DNAH7: variants seen among roughly 807,000 people sequenced by gnomAD.
The protein encoded by DNAH7 is dynein axonemal heavy chain 7.
DNAH7 carries 397 observed loss-of-function variants against 444.6 expected under a neutral mutation model. The observed-to-expected ratio is 0.89, with a 90% CI of 0.82 to 0.97. The LOEUF (loss-of-function observed/expected upper bound fraction) is 0.97. DNAH7 is among the 50% of genes least tolerant of loss of function. DNAH7 has a pLI of 0.00. For synonymous variants in DNAH7, 1,636 were observed against 1,624.4 expected, an observed-to-expected ratio of 1.01 and a Z score of -0.17; for missense variants, 4,902 against 4,800.8, an observed-to-expected ratio of 1.02 and a Z score of -0.62.
At chr2:195,844,316 A>G (rs1446193959) in intron 47 of DNAH7, among the ~76,000 whole-genome samples, 1 of 152,174 alleles carries the variant, frequency 6.6e-6, no homozygotes, top group African/African-American at 2.4e-5. Context: ...TATCTGTGCT[A>G]TCGTTAACAT....
At chr2:195,988,812 T>C (rs1306119495) in intron 12 of DNAH7, among the ~76,000 whole-genome samples, 1 of 152,120 alleles carries the variant, frequency 6.6e-6, no homozygotes, top group East Asian at 1.9e-4. Flanking sequence ...TTGTACTCAA[T>C]TACCAACCTG....
At position 195,925,900 on chromosome 2, in the gene DNAH7, TATTAA is replaced by T. The variant is rs146474417; in HGVS notation, c.3612+521_3612+525del. ...TCATTAACAATTACAATCTAATTAA[TATTAA>T]ATTAATATATCCAATTATATTAGAA... On this transcript the variant is annotated intron_variant, in intron 22 of 64. Transcript: ENST00000312428. Among the ~76,000 whole-genome samples, 2,938 of 152,198 alleles carry T rather than the reference TATTAA, an allele frequency of 0.019. 233 individuals are homozygous for T. The East Asian group carries it at 0.26, about 14-fold the overall frequency.
At chr2:195,762,798 ACTTTCAGC>A (rs1553515864) in intron 61 of DNAH7, among the ~76,000 whole-genome samples, 26 of 152,252 alleles carry the variant, frequency 1.7e-4, no homozygotes, top group South Asian at 1.2e-3. Context: ...TCAACACCCT[ACTTTCAGC>A]ATCAGACAGA....
intron 52 of DNAH7, 35 bp from the exon 53 acceptor site, chr2:195,808,911 C>G: frequency 6.3e-7 from 1 of 1,580,892 alleles, no homozygotes. Flanking sequence ...GAGTCAGAAA[C>G]GAGTTCATCA....
chr2:195,874,249 A>AT (rs1246690342), intron 38 of DNAH7, among the ~76,000 whole-genome samples: 1 of 152,022 alleles, frequency 6.6e-6, no homozygotes, highest in Non-Finnish European at 1.5e-5. Flanking sequence ...AAATTGGGGG[A>AT]TTTTTCCACA....
At chr2:195,991,989 G>A (rs937119610) in intron 12 of DNAH7, among the ~76,000 whole-genome samples, 2 of 152,140 alleles carry the variant, frequency 1.3e-5, no homozygotes, top group African/African-American at 4.8e-5. Context: ...GATTCCTTTA[G>A]TTTTTAAAAC....
chr2:195,926,509 C>T lies in DNAH7; in HGVS notation c.3529G>A (p.Asp1177Asn), dbSNP rs1688344780. Residue 1177 changes from aspartate (D) to asparagine (N), a missense_variant, in exon 22 of 65, where the codon GAT (aspartate) becomes AAT (asparagine). Transcript: ENST00000312428. ...TKYERINWVR[D>N]WPGQTVLCVS... is the part of the protein sequence containing the mutation. ...CAGAGAACAGTCTGTCCAGGCCAAT[C>T]CCTTACCCAGTTAATTCGTTCATAT... is the stretch of plus-strand genomic sequence containing the variant. 1 of 1,605,706 alleles carries T rather than the reference C, an allele frequency of 6.2e-7. No individual in the cohort carries two copies. Among genetic ancestry groups the T allele is most frequent in the Non-Finnish European group, 8.5e-7 (1 of 1,176,784 alleles).
rs780510934 is a variant in DNAH7 at position 196,048,422 on chromosome 2, A to G, written c.142-18T>C. The G allele has an allele frequency of 4.7e-5, 75 of 1,604,040 alleles. No individual in the cohort carries two copies. The South Asian group carries it at 7.8e-4, about 17-fold the overall frequency. On this transcript the variant is annotated intron_variant, in intron 3 of 64. Transcript: ENST00000312428. ...GTACTCACCTAAAATACAAAATTTA[A>G]ATAGCATTAACAAACAATATCAGAA...
At chr2:196,001,070 A>G (rs768324861) in intron 11 of DNAH7, among the ~76,000 whole-genome samples, 187 bp from the exon 12 acceptor site, 14 of 152,144 alleles carry the variant, frequency 9.2e-5, no homozygotes, top group Non-Finnish European at 1.8e-4. Flanking sequence ...GATATCCAGT[A>G]TCCATTGGGA....
intron 23 of DNAH7, among the ~76,000 whole-genome samples, chr2:195,922,604 G>A (rs1280567165): frequency 2.0e-5 from 3 of 151,998 alleles, no homozygotes; most frequent in East Asian, 1.9e-4. Context: ...TACTAAATAC[G>A]CTGCCCCTCA....
rs975754466 is a variant in DNAH7 at position 195,966,049 on chromosome 2, TTTTG to T, written c.2205+3895_2205+3898del. ...TTCCTTAAGGTGCATAATTAGATTTTTTTGTTTGTTTGTGTGTTTGTTTTGGTGT... is the reference window on the plus strand; with the variant it reads ...TTCCTTAAGGTGCATAATTAGATTTTTTTGTTTGTGTGTTTGTTTTGGTGT... On this transcript the variant is annotated intron_variant, in intron 17 of 64. Transcript: ENST00000312428. Among the ~76,000 whole-genome samples the T allele has an allele frequency of 5.3e-5, 8 of 152,230 alleles. 1 individual carries two copies. The South Asian group carries it at 1.2e-3, about 24-fold the overall frequency.
chr2:196,033,230 T>C, intron 5 of DNAH7, among the ~76,000 whole-genome samples: 1 of 152,232 alleles, frequency 6.6e-6, no homozygotes, highest in East Asian at 1.9e-4. Flanking sequence ...AAAAGTGTTA[T>C]GATTTATTAA....
At chr2:195,740,215 CCT>C (rs754903721) in intron 64 of DNAH7, among the ~76,000 whole-genome samples, 3 of 152,084 alleles carry the variant, frequency 2.0e-5, no homozygotes, top group Non-Finnish European at 4.4e-5. Flanking sequence ...AAACTCCCGA[CCT>C]CAGGTGATCC....
intron 56 of DNAH7, chr2:195,795,819 G>GAA (rs1696105421): frequency 6.6e-6 from 1 of 152,280 alleles, no homozygotes; most frequent in Non-Finnish European, 1.5e-5. Context: ...TTACATTCTA[G>GAA]TGGGAGACAC....
At chr2:195,990,602 C>A (rs148013118) in intron 12 of DNAH7, among the ~76,000 whole-genome samples, 4 of 151,618 alleles carry the variant, frequency 2.6e-5, no homozygotes, top group Non-Finnish European at 4.4e-5. Flanking sequence ...AAGGCTGCAG[C>A]GAGCCATGAT....
chr2:195,942,632 T>C (rs946811605), intron 19 of DNAH7, among the ~76,000 whole-genome samples: 1 of 152,140 alleles, frequency 6.6e-6, no homozygotes, highest in Admixed American at 6.6e-5. Context: ...GAAGTATTTC[T>C]TCCCTGGACA....
At chr2:195,831,322 T>A (rs954751919) in intron 48 of DNAH7, among the ~76,000 whole-genome samples, 1 of 152,060 alleles carries the variant, frequency 6.6e-6, no homozygotes, top group African/African-American at 2.4e-5. Flanking sequence ...AACTGCAATA[T>A]AAAAAAGAAA....
chr2:196,027,726 T>G (rs950572911), intron 6 of DNAH7, among the ~76,000 whole-genome samples: 2 of 152,094 alleles, frequency 1.3e-5, no homozygotes, highest in African/African-American at 4.8e-5. Flanking sequence ...TGAAGCTGGC[T>G]TTAATATGGA....
In DNAH7 at chr2:195,756,242, C is replaced by G. The variant is rs199727636; in HGVS notation, c.11477G>C (p.Ser3826Thr). 205 of 1,613,552 alleles carry G rather than the reference C, an allele frequency of 1.3e-4. No individual in the cohort carries two copies. The highest frequency in any genetic ancestry group is 1.7e-4 in the Non-Finnish European group (198 of 1,179,734). The change falls in exon 62 of 65, where the codon AGC becomes ACC. Residue 3826 changes from serine (S) to threonine (T), a missense_variant. Physicochemically the swap from Ser to Thr is moderately conservative, Grantham distance 58 (BLOSUM62 1). Transcript: ENST00000312428. Reference protein sequence around the residue: ...MSTDLEEVVSSILNVKIPEMW... With the variant: ...MSTDLEEVVSTILNVKIPEMW... Reference sequence around the variant, plus strand: ...TTCTGGAATTTTGACATTCAAAATGCTGCTAACCACTTCTTCAAGATCTGT... The same window carrying G: ...TTCTGGAATTTTGACATTCAAAATGGTGCTAACCACTTCTTCAAGATCTGT...
Sources: allele counts gnomAD v4.1 joint callset (sites outside exome capture counted in the v4.1 genomes callset), GRCh38; gene constraint gnomAD v4.1.1; transcripts MANE v1.5; gene names NCBI Gene and HGNC (gene_info 2026-07-23, HGNC 2026-07-21).